MYO10: variants seen among roughly 807,000 people sequenced by gnomAD.
MYO10 encodes the protein myosin X.
In MYO10, 133 loss-of-function variants were observed where a neutral mutation model predicts 257.3. The ratio of observed to expected loss-of-function variants is 0.52; its 90% CI spans 0.45 to 0.60. The LOEUF is 0.60. Ranked by LOEUF, MYO10 falls within the 20% of genes least tolerant of loss-of-function variation. The probability of loss-of-function intolerance (pLI) is 0.00; values close to 1 mark genes in which losing one functional copy is unlikely to be tolerated. For synonymous variants in MYO10, 1,104 were observed against 1,028.6 expected, an observed-to-expected ratio of 1.07 and a Z score of -1.40; for missense variants, 2,399 against 2,635.7, an observed-to-expected ratio of 0.91 and a Z score of 1.97.
chr5:16,728,062 G>A (rs1012437728), intron 19 of MYO10, among the ~76,000 whole-genome samples: 2 of 152,098 alleles, frequency 1.3e-5, no homozygotes, highest in African/African-American at 2.4e-5. Context: ...TGAAAATCAC[G>A]TGTTGAGCGT....
chr5:16,751,905 A>G (rs1740388254), intron 19 of MYO10, among the ~76,000 whole-genome samples: 1 of 152,144 alleles, frequency 6.6e-6, no homozygotes, highest in African/African-American at 2.4e-5. Context: ...ACAAATGCAA[A>G]CGTGAGGTTG....
At chr5:16,801,843 A>G (rs571015356) in intron 3 of MYO10, among the ~76,000 whole-genome samples, 25 of 152,222 alleles carry the variant, frequency 1.6e-4, no homozygotes, top group Non-Finnish European at 3.1e-4. Context: ...TATAAAAAAT[A>G]TTCAGTAAAC....
intron 19 of MYO10, among the ~76,000 whole-genome samples, chr5:16,735,015 A>T (rs1325735239): frequency 2.0e-5 from 3 of 152,152 alleles, no homozygotes; most frequent in African/African-American, 7.2e-5. Context: ...AGAAAACTAA[A>T]GTGACAAACC....
chr5:16,761,630 A>G (rs1263868455), intron 16 of MYO10, 84 bp from the exon 17 acceptor site: 8 of 972,284 alleles, frequency 8.2e-6, no homozygotes, highest in Non-Finnish European at 1.1e-5. Flanking sequence ...GAGCCACAAA[A>G]AGAAATCATT....
At chr5:16,860,517 T>G (rs1451531712) in intron 2 of MYO10, among the ~76,000 whole-genome samples, 1 of 152,148 alleles carries the variant, frequency 6.6e-6, no homozygotes, top group East Asian at 1.9e-4. Context: ...AACCCTGCAT[T>G]TTTAACAAAG....
intron 1 of MYO10, among the ~76,000 whole-genome samples, chr5:16,882,376 A>T (rs1744778531): frequency 6.6e-6 from 1 of 152,070 alleles, no homozygotes; most frequent in African/African-American, 2.4e-5. Flanking sequence ...AGCTAAACAT[A>T]ATCTTATCAT....
intron 21 of MYO10, among the ~76,000 whole-genome samples, chr5:16,709,976 C>T (rs1738522744): frequency 6.6e-6 from 1 of 152,188 alleles, no homozygotes; most frequent in African/African-American, 2.4e-5. Context: ...TCACATTGGT[C>T]AAACTGCAAG....
At chr5:16,842,920 A>G (rs1743525399) in intron 2 of MYO10, among the ~76,000 whole-genome samples, 1 of 146,794 alleles carries the variant, frequency 6.8e-6, no homozygotes, top group African/African-American at 2.5e-5. Context: ...GAGAAAAAAG[A>G]AAAAGGAAAA....
At position 16,673,903 on chromosome 5, in the gene MYO10, A is replaced by G. The variant is rs774791736; in HGVS notation, c.4965-14T>C. On this transcript the variant is annotated splice_polypyrimidine_tract_variant and intron_variant, in intron 35 of 40. Coordinates refer to ENST00000513610, the MANE Select transcript of MYO10 (RefSeq NM_012334.3). ...TGTTCCCGTATCCTAGGAGGCAAACACTAACTGTTAATTTTTAGACTGATG... is the reference window on the plus strand; with the variant it reads ...TGTTCCCGTATCCTAGGAGGCAAACGCTAACTGTTAATTTTTAGACTGATG... The G allele has an allele frequency of 5.8e-5, 93 of 1,611,566 alleles. No homozygotes were observed. The highest frequency in any genetic ancestry group is 1.7e-4 in the Middle Eastern group (1 of 6,042).
intron 25 of MYO10, among the ~76,000 whole-genome samples, chr5:16,700,726 C>T (rs1738007341): frequency 6.6e-6 from 1 of 152,190 alleles, no homozygotes; most frequent in Non-Finnish European, 1.5e-5. Flanking sequence ...TTTCTGAAGT[C>T]TTGGGCACAG....
intron 1 of MYO10, among the ~76,000 whole-genome samples, chr5:16,891,780 G>T (rs1261013459): frequency 6.6e-6 from 1 of 152,042 alleles, no homozygotes; most frequent in Non-Finnish European, 1.5e-5. Flanking sequence ...ATGCAAGAAG[G>T]TCCTCTTTTC....
At position 16,783,478 on chromosome 5, in the gene MYO10, C is replaced by T. The variant is rs371852609; in HGVS notation, c.468-9G>A. On this transcript the variant is annotated splice_polypyrimidine_tract_variant and intron_variant, in intron 4 of 40. Transcript: ENST00000513610. The stretch of plus-strand genomic sequence containing the variant: ...CTGCCCCACTTTCACCACTGAAAGA[C>T]AAAACGGAAAAGTTTGTGCTTCTAA... 3.7e-6 allele frequency: 6 copies of T among 1,605,282 alleles called. No homozygotes were observed. In the African/African-American group the frequency reaches 8.0e-5, roughly 22 times the overall value.
chr5:16,912,941 G>C (rs1325345520), intron 1 of MYO10, among the ~76,000 whole-genome samples: 1 of 149,584 alleles, frequency 6.7e-6, no homozygotes, highest in Non-Finnish European at 1.5e-5. Context: ...CATGCTTTCT[G>C]GCCACCTGCC....
At chr5:16,865,796 G>A (rs905551911) in intron 2 of MYO10, among the ~76,000 whole-genome samples, 1 of 132,606 alleles carries the variant, frequency 7.5e-6, no homozygotes, top group Non-Finnish European at 1.6e-5. Flanking sequence ...GGGTGACAGA[G>A]TTAGACTCCG....
chr5:16,862,835 C>T (rs1744144714), intron 2 of MYO10, among the ~76,000 whole-genome samples: 1 of 152,120 alleles, frequency 6.6e-6, no homozygotes, highest in African/African-American at 2.4e-5. Context: ...AAACATGAGC[C>T]CTTTTCTTTG....
chr5:16,712,469 A>G (rs984735711), intron 19 of MYO10, among the ~76,000 whole-genome samples: 3 of 152,192 alleles, frequency 2.0e-5, no homozygotes, highest in Non-Finnish European at 4.4e-5. Flanking sequence ...ATTAAGCTGC[A>G]TGTTGTTATC....
chr5:16,751,750 C>T (rs1018337703), intron 19 of MYO10, among the ~76,000 whole-genome samples: 4 of 151,516 alleles, frequency 2.6e-5, no homozygotes, highest in Admixed American at 1.3e-4. Flanking sequence ...GGATTACAGG[C>T]GTGAGCCACC....
chr5:16,858,141 G>A (rs892768814), intron 2 of MYO10, among the ~76,000 whole-genome samples: 1 of 152,174 alleles, frequency 6.6e-6, no homozygotes, highest in Non-Finnish European at 1.5e-5. Context: ...ACAGATAAGA[G>A]GCCGATGAAT....
chr5:16,689,353 G>A (rs31314), intron 28 of MYO10, among the ~76,000 whole-genome samples: 110,956 of 152,074 alleles, frequency 0.73, 41,916 homozygotes, highest in African/African-American at 0.93. Flanking sequence ...TACCTCTTCC[G>A]TTGAATTCTT....
Sources: gnomAD v4.1 joint callset for allele counts (sites outside exome capture counted in the v4.1 genomes callset) on GRCh38, gnomAD v4.1.1 for gene constraint, MANE v1.5 for transcripts, NCBI Gene and HGNC (gene_info 2026-07-23, HGNC 2026-07-21) for gene names.